EFNA5: variants seen among roughly 807,000 people sequenced by gnomAD.
EFNA5 encodes ephrin A5, also known as ephrin-A5.
In EFNA5, 5 loss-of-function variants were observed where a neutral mutation model predicts 22.9. The ratio of observed to expected loss-of-function variants is 0.22; its 90% CI spans 0.11 to 0.46. The LOEUF is 0.46. EFNA5 is among the 20% of genes least tolerant of loss of function. The pLI, the probability that EFNA5 is intolerant of heterozygous loss-of-function variation, is 0.99. For synonymous variants in EFNA5, 113 were observed against 112.2 expected (o/e 1.01, Z -0.04); for missense variants, 237 against 293.3 (o/e 0.81, Z 1.40).
chr5:107,642,354 T>C (rs1750544376), intron 1 of EFNA5, among the ~76,000 whole-genome samples: 1 of 151,850 alleles, frequency 6.6e-6, no homozygotes. Flanking sequence ...AAAAAATAAG[T>C]ATGTGAAGTA....
At chr5:107,551,697 T>C (rs2112468968) in intron 1 of EFNA5, among the ~76,000 whole-genome samples, 1 of 152,272 alleles carries the variant, frequency 6.6e-6, no homozygotes, top group East Asian at 1.9e-4. Flanking sequence ...ATGATCAAAG[T>C]GGAAGTTATG....
At chr5:107,638,799 T>C (rs1431290401) in intron 1 of EFNA5, among the ~76,000 whole-genome samples, 1 of 152,132 alleles carries the variant, frequency 6.6e-6, no homozygotes, top group Non-Finnish European at 1.5e-5. Context: ...ACAGAATAGA[T>C]CTTAAGCGTT....
chr5:107,642,361 A>G (rs988645886), intron 1 of EFNA5, among the ~76,000 whole-genome samples: 6 of 152,064 alleles, frequency 3.9e-5, no homozygotes, highest in African/African-American at 1.4e-4. Flanking sequence ...AAGTATGTGA[A>G]GTAATGCATG....
At chr5:107,482,221 A>G (rs26243) in intron 1 of EFNA5, among the ~76,000 whole-genome samples, 15,366 of 151,192 alleles carry the variant, frequency 0.1, 1,228 homozygotes, top group East Asian at 0.29. Context: ...TGGGAAAATC[A>G]CTTAAGCCTG....
At chr5:107,601,189 A>G (rs1226745767) in intron 1 of EFNA5, among the ~76,000 whole-genome samples, 1 of 152,226 alleles carries the variant, frequency 6.6e-6, no homozygotes, top group Non-Finnish European at 1.5e-5. Flanking sequence ...AATCAGGACC[A>G]TTCGTACTAT....
At chr5:107,658,614 C>T (rs6870284) in intron 1 of EFNA5, among the ~76,000 whole-genome samples, 3,372 of 152,208 alleles carry the variant, frequency 0.022, 137 homozygotes, top group African/African-American at 0.076. Flanking sequence ...ATGAAAAGTT[C>T]AGCGCAAATA....
chr5:107,657,274 T>C (rs999451637), intron 1 of EFNA5, among the ~76,000 whole-genome samples: 1 of 152,174 alleles, frequency 6.6e-6, no homozygotes, highest in Non-Finnish European at 1.5e-5. Flanking sequence ...AATCCATTCC[T>C]ATTCCTAAAT....
At chr5:107,396,303 G>A (rs897257842) in intron 2 of EFNA5, among the ~76,000 whole-genome samples, 5 of 152,148 alleles carry the variant, frequency 3.3e-5, no homozygotes, top group African/African-American at 9.7e-5. Context: ...TGCTTAACGT[G>A]CCTACGCCTC....
At chr5:107,500,438 C>T (rs372236229) in intron 1 of EFNA5, among the ~76,000 whole-genome samples, 1 of 152,316 alleles carries the variant, frequency 6.6e-6, no homozygotes, top group Middle Eastern at 3.4e-3. Context: ...AGCCTAGTCC[C>T]ACTGTAAGCT....
intron 1 of EFNA5, among the ~76,000 whole-genome samples, chr5:107,622,287 T>C (rs563026435): frequency 4.6e-5 from 7 of 152,170 alleles, no homozygotes; most frequent in Non-Finnish European, 1.0e-4. Flanking sequence ...TCTCAACTGC[T>C]TTGCTACCCT....
intron 1 of EFNA5, among the ~76,000 whole-genome samples, chr5:107,616,093 T>G (rs1749907090): frequency 6.6e-6 from 1 of 152,204 alleles, no homozygotes; most frequent in Non-Finnish European, 1.5e-5. Flanking sequence ...GTAACCCAAG[T>G]TCAATAAAAC....
At position 107,622,120 on chromosome 5, in the gene EFNA5, C is replaced by G. The variant is rs140979469; in HGVS notation, c.125+48369G>C. 4.2e-3 allele frequency among the ~76,000 whole-genome samples: 633 copies of G among 151,928 alleles called. 5 individuals are homozygous for G. The highest frequency in any genetic ancestry group is 0.014 in the African/African-American group (592 of 41,426). On this transcript the variant is annotated intron_variant, in intron 1 of 4. Coordinates refer to ENST00000333274, the MANE Select transcript of EFNA5 (RefSeq NM_001962.3). ...TCAAGTATTTACCAATGTGACAAGTCTAAATATGGGACCTACTAGAGGGAG... is the reference window on the plus strand; with the variant it reads ...TCAAGTATTTACCAATGTGACAAGTGTAAATATGGGACCTACTAGAGGGAG...
intron 1 of EFNA5, among the ~76,000 whole-genome samples, chr5:107,527,414 G>T (rs1183336551): frequency 6.6e-6 from 1 of 151,830 alleles, no homozygotes; most frequent in Non-Finnish European, 1.5e-5. Context: ...AGCCTCCCGA[G>T]TAGCTCGGAC....
intron 1 of EFNA5, among the ~76,000 whole-genome samples, chr5:107,627,476 G>A (rs1321566249): frequency 6.6e-6 from 1 of 151,960 alleles, no homozygotes; most frequent in South Asian, 2.1e-4. Context: ...AATGTTTAAA[G>A]AGTATTAAGC....
chr5:107,400,349 G>A (rs1426677533), intron 2 of EFNA5, among the ~76,000 whole-genome samples: 1 of 151,522 alleles, frequency 6.6e-6, no homozygotes, highest in African/African-American at 2.4e-5. Context: ...ACATTTTACA[G>A]ATAAAACCCA....
chr5:107,575,389 T>G (rs1748907364), intron 1 of EFNA5, among the ~76,000 whole-genome samples: 1 of 152,216 alleles, frequency 6.6e-6, no homozygotes, highest in African/African-American at 2.4e-5. Flanking sequence ...ACACATACCA[T>G]GTATCCCAAA....
intron 1 of EFNA5, among the ~76,000 whole-genome samples, chr5:107,548,954 TAGTA>T (rs1748227956): frequency 6.6e-6 from 1 of 152,194 alleles, no homozygotes; most frequent in African/African-American, 2.4e-5. Context: ...TTCTCACACT[TAGTA>T]AGAAAACATA....
intron 1 of EFNA5, among the ~76,000 whole-genome samples, chr5:107,662,758 C>T (rs1213575108): frequency 5.7e-5 from 8 of 139,724 alleles, no homozygotes; most frequent in Non-Finnish European, 7.6e-5. Context: ...GTACCTTTTG[C>T]GGGAGAAAGA....
chr5:107,427,092 A>G (rs1423109928), intron 2 of EFNA5, 125 bp downstream of exon 2: 4 of 982,222 alleles, frequency 4.1e-6, no homozygotes, highest in Non-Finnish European at 6.2e-6. Context: ...ATCCTGATGT[A>G]CGCATTTACA....
Sources: gnomAD v4.1 joint callset for allele counts (sites outside exome capture counted in the v4.1 genomes callset) on GRCh38, gnomAD v4.1.1 for gene constraint, MANE v1.5 for transcripts, NCBI Gene and HGNC (gene_info 2026-07-23, HGNC 2026-07-21) for gene names.